Variants in TOX3 observed in about 807,000 individuals in gnomAD.
The protein encoded by TOX3 is TOX high mobility group box family member 3.
In TOX3, 22 loss-of-function variants were observed where a neutral mutation model predicts 64.3. The observed-to-expected ratio is 0.34, with a 90% CI of 0.24 to 0.49. The LOEUF is 0.49. Among genes scored for constraint, TOX3 ranks in the 20% least tolerant of loss-of-function variants. The pLI, the probability that TOX3 is intolerant of heterozygous loss-of-function variation, is 0.99. For missense variants in TOX3, 661 were observed against 714.4 expected (o/e 0.93, Z 0.85); for synonymous variants, 291 against 273.6 (o/e 1.06, Z -0.63).
chr16:52,474,250 C>T (rs1254968769), intron 1 of TOX3, among the ~76,000 whole-genome samples: 1 of 152,182 alleles, frequency 6.6e-6, no homozygotes, highest in Non-Finnish European at 1.5e-5. Context: ...ATCTTTCCAA[C>T]TGTACCCAAA....
intron 1 of TOX3, among the ~76,000 whole-genome samples, chr16:52,524,053 T>A (rs1962670240): frequency 6.6e-6 from 1 of 152,214 alleles, no homozygotes. Flanking sequence ...TGAGGGGCTG[T>A]TTGCATCTTT....
Position 52,438,252 on chromosome 16 carries a change from G to A in TOX3, c.*973C>T, listed in dbSNP as rs1959812043. The A allele has an allele frequency of 6.6e-6, 1 of 152,548 alleles. No individual in the cohort carries two copies. Among genetic ancestry groups the A allele is most frequent in the Admixed American group, 6.6e-5 (1 of 15,266 alleles). 9.4% of individuals were successfully genotyped at this position (152,548 alleles called of 1,614,324 possible). On this transcript the variant is annotated 3_prime_UTR_variant, in exon 7 of 7. Coordinates refer to ENST00000219746, the MANE Select transcript of TOX3 (RefSeq NM_001080430.4). Reference sequence around the variant, plus strand: ...TTATGTCACCAGTGTTTACGTTAAAGCCTCATTTAGGAAAACTTTACAGCA... The same window carrying A: ...TTATGTCACCAGTGTTTACGTTAAAACCTCATTTAGGAAAACTTTACAGCA...
At chr16:52,538,467 A>G (rs1208115300) in intron 1 of TOX3, among the ~76,000 whole-genome samples, 1 of 152,222 alleles carries the variant, frequency 6.6e-6, no homozygotes, top group Non-Finnish European at 1.5e-5. Flanking sequence ...TCCATTTAAA[A>G]TAAATTGAAT....
chr16:52,486,844 G>C (rs1307488636), intron 1 of TOX3, among the ~76,000 whole-genome samples: 2 of 152,062 alleles, frequency 1.3e-5, no homozygotes, highest in East Asian at 1.9e-4. Flanking sequence ...GCTGAGACGG[G>C]GGTATCACTT....
chr16:52,483,567 T>G (rs1961424104), intron 1 of TOX3, among the ~76,000 whole-genome samples: 3 of 143,168 alleles, frequency 2.1e-5, no homozygotes, highest in Admixed American at 7.0e-5. Flanking sequence ...CAGTTTGGTT[T>G]TTTTTTTTTT....
intron 1 of TOX3, among the ~76,000 whole-genome samples, chr16:52,542,580 C>G (rs1407731561): frequency 2.6e-5 from 4 of 152,204 alleles, no homozygotes; most frequent in Non-Finnish European, 5.9e-5. Context: ...AAGGCTATCC[C>G]TTTAAATGGG....
chr16:52,538,287 TA>T (rs1963002309), intron 1 of TOX3, among the ~76,000 whole-genome samples: 2 of 152,322 alleles, frequency 1.3e-5, no homozygotes, highest in South Asian at 4.1e-4. Flanking sequence ...ACATATTTAA[TA>T]AAAGTTTTCT....
At chr16:52,542,416 G>T (rs933662220) in intron 1 of TOX3, among the ~76,000 whole-genome samples, 1 of 152,126 alleles carries the variant, frequency 6.6e-6, no homozygotes, top group Non-Finnish European at 1.5e-5. Flanking sequence ...CCCACATAAT[G>T]ATTTTAATTA....
At position 52,546,882 on chromosome 16, in the gene TOX3, G is replaced by C. The variant is rs1481019555; in HGVS notation, c.-159C>G. On this transcript the variant is annotated 5_prime_UTR_variant, in exon 1 of 7. Coordinates refer to ENST00000219746, the MANE Select transcript of TOX3 (RefSeq NM_001080430.4). ...GGGACCCAGAGCCCGAGGAGCTCGG[G>C]AGCCGCGGCCGCCGCACACAAAGGC... 2 of 1,171,700 alleles carry C rather than the reference G, an allele frequency of 1.7e-6. No homozygotes were observed. The highest frequency in any genetic ancestry group is 3.8e-5 in the East Asian group (1 of 26,120). 72.6% of individuals were successfully genotyped at this position (1,171,700 alleles called of 1,614,324 possible). A position where few individuals can be genotyped will look rare whatever the true frequency, so the allele number is the denominator to read the frequency against.
intron 3 of TOX3, among the ~76,000 whole-genome samples, chr16:52,455,829 G>T (rs942322161): frequency 1.3e-5 from 2 of 152,128 alleles, no homozygotes; most frequent in Admixed American, 6.6e-5. Flanking sequence ...CTGGGTGCAG[G>T]GTAGGCAAGG....
chr16:52,484,248 T>A (rs1961448089), intron 1 of TOX3, among the ~76,000 whole-genome samples: 1 of 152,186 alleles, frequency 6.6e-6, no homozygotes, highest in Non-Finnish European at 1.5e-5. Flanking sequence ...AGGTTTTGTG[T>A]CTCAAATTTG....
chr16:52,456,440 C>T (rs955022239), intron 3 of TOX3, among the ~76,000 whole-genome samples: 1 of 152,180 alleles, frequency 6.6e-6, no homozygotes, highest in African/African-American at 2.4e-5. Flanking sequence ...GCATTGCCTT[C>T]TATCTATTGG....
At position 52,438,957 on chromosome 16, in the gene TOX3, T is replaced by C. The variant is rs750947167; in HGVS notation, c.*268A>G. Reference sequence around the variant, plus strand: ...ATTAAACAGTTTGATTCACATATTGTAGGTATAGCCTGAATAAATAAAAAA... The same window carrying C: ...ATTAAACAGTTTGATTCACATATTGCAGGTATAGCCTGAATAAATAAAAAA... On this transcript the variant is annotated 3_prime_UTR_variant, in exon 7 of 7. Coordinates refer to ENST00000219746, the MANE Select transcript of TOX3 (RefSeq NM_001080430.4). 1.6e-6 allele frequency: 1 copy of C among 618,452 alleles called. No homozygotes were observed. Among genetic ancestry groups the C allele is most frequent in the Non-Finnish European group, 3.1e-6 (1 of 325,936 alleles). 38.3% of individuals were successfully genotyped at this position (618,452 alleles called of 1,614,324 possible). A position where few individuals can be genotyped will look rare whatever the true frequency, so the allele number is the denominator to read the frequency against.
At position 52,546,621 on chromosome 16, in the gene TOX3, G is replaced by A. The variant is rs1436981373; in HGVS notation, c.87+16C>T. ...GGTGGCCCCCGCCCCCCGGCCCACC[G>A]GCCCAGCCCGGTCACCTTGCTGTAG... On this transcript the variant is annotated intron_variant, in intron 1 of 6. Coordinates refer to ENST00000219746, the MANE Select transcript of TOX3 (RefSeq NM_001080430.4). The A allele has an allele frequency of 2.0e-6, 3 of 1,525,506 alleles. No individual in the cohort carries two copies. Among genetic ancestry groups the A allele is most frequent in the Non-Finnish European group, 1.8e-6 (2 of 1,137,710 alleles). 94.5% of individuals were successfully genotyped at this position (1,525,506 alleles called of 1,614,324 possible).
chr16:52,491,444 A>T (rs978994100), intron 1 of TOX3, among the ~76,000 whole-genome samples: 2 of 152,210 alleles, frequency 1.3e-5, no homozygotes, highest in African/African-American at 4.8e-5. Flanking sequence ...TGTGTTAAAT[A>T]AATGGGAGTA....
At chr16:52,520,977 T>C (rs1962594356) in intron 1 of TOX3, among the ~76,000 whole-genome samples, 1 of 152,224 alleles carries the variant, frequency 6.6e-6, no homozygotes, top group African/African-American at 2.4e-5. Context: ...TATTCCTTTC[T>C]ATAAATAGCA....
chr16:52,515,148 A>C (rs1217289510), intron 1 of TOX3, among the ~76,000 whole-genome samples: 1 of 151,282 alleles, frequency 6.6e-6, no homozygotes, highest in Non-Finnish European at 1.5e-5. Context: ...TGAATAAATT[A>C]AGCAAATGAA....
intron 1 of TOX3, among the ~76,000 whole-genome samples, chr16:52,518,839 A>T (rs764109326): frequency 3.9e-4 from 60 of 152,324 alleles, no homozygotes; most frequent in South Asian, 1.9e-3. Context: ...CTGCTTTCCC[A>T]TTCTCTTCTG....
At chr16:52,464,385 C>T (rs1033755721) in intron 2 of TOX3, among the ~76,000 whole-genome samples, 197 bp from the exon 3 acceptor site, 15 of 152,214 alleles carry the variant, frequency 9.9e-5, no homozygotes, top group African/African-American at 3.6e-4. Context: ...AGATTTAAGT[C>T]TCATTATCAT....
Sources: gnomAD v4.1 joint callset for allele counts (sites outside exome capture counted in the v4.1 genomes callset) on GRCh38, gnomAD v4.1.1 for gene constraint, MANE v1.5 for transcripts, NCBI Gene and HGNC (gene_info 2026-07-23, HGNC 2026-07-21) for gene names.